Variants in AMBRA1 observed in about 807,000 individuals in gnomAD.
AMBRA1 encodes the protein autophagy and beclin 1 regulator 1.
A neutral mutation model predicts 125.4 loss-of-function variants in AMBRA1; 47 were observed. The observed-to-expected ratio is 0.37, with a 90% CI of 0.30 to 0.48. AMBRA1 has a LOEUF of 0.48. AMBRA1 is among the 20% of genes least tolerant of loss of function. The pLI is 0.99. For missense variants in AMBRA1, 1,331 were observed against 1,693.4 expected, an observed-to-expected ratio of 0.79 and a Z score of 3.76; for synonymous variants, 626 against 655.5, an observed-to-expected ratio of 0.95 and a Z score of 0.69.
rs1348276929 is a variant in AMBRA1, at chr11:46,418,056, G to A, written c.2977-4C>T. 8 of 1,557,206 alleles carry A rather than the reference G, an allele frequency of 5.1e-6. No homozygotes were observed. On this transcript the variant is annotated splice_region_variant and splice_polypyrimidine_tract_variant and intron_variant, in intron 14 of 17. Transcript: ENST00000683756. ...GATAAAGGACGTTGAAAACTCTCTA[G>A]GTAGAGGAAAAGAGGGAAAAAAAGA... is the stretch of plus-strand genomic sequence containing the variant.
At chr11:46,428,555 G>T in intron 14 of AMBRA1, 1 of 1,068,996 alleles carries the variant, frequency 9.4e-7, no homozygotes, top group Non-Finnish European at 1.4e-6. Context: ...CAGCGATTAG[G>T]CAATGAGGAT....
intron 7 of AMBRA1, among the ~76,000 whole-genome samples, chr11:46,515,473 A>AAAACAAACAAAC (rs147206577): frequency 1.3e-5 from 2 of 151,260 alleles, no homozygotes; most frequent in Admixed American, 6.6e-5. Flanking sequence ...ACTGCATCTC[A>AAAACAAACAAAC]AAACAAACAA....
At chr11:46,575,053 A>C (rs1769748650) in intron 1 of AMBRA1, among the ~76,000 whole-genome samples, 1 of 152,226 alleles carries the variant, frequency 6.6e-6, no homozygotes, top group African/African-American at 2.4e-5. Flanking sequence ...GAAGTGAACA[A>C]GTAAATGCTC....
chr11:46,575,727 G>A (rs11038923), intron 1 of AMBRA1, among the ~76,000 whole-genome samples: 59 of 152,130 alleles, frequency 3.9e-4, no homozygotes, highest in African/African-American at 1.3e-3. Flanking sequence ...ATATTGGCCA[G>A]GCTGGTCTCG....
At chr11:46,526,536 A>G (rs1951982408) in intron 7 of AMBRA1, among the ~76,000 whole-genome samples, 2 of 150,456 alleles carry the variant, frequency 1.3e-5, no homozygotes, top group South Asian at 4.2e-4. Context: ...ATATAAAAAA[A>G]AAATTAAAAT....
intron 14 of AMBRA1, among the ~76,000 whole-genome samples, chr11:46,427,589 C>T (rs752321403): frequency 6.6e-6 from 1 of 152,178 alleles, no homozygotes; most frequent in Non-Finnish European, 1.5e-5. Context: ...TCTGACTCAG[C>T]AGATCTTAAG....
At position 46,542,032 on chromosome 11, in the gene AMBRA1, G is replaced by C; in HGVS notation, c.1985C>G (p.Thr662Ser). ...QETGHWERIY[T>S]QSSRSGTVSQ... ...CACAGTTCCAGATCTGCTGGACTGG[G>C]TGTAAATTCTTTCCCAGTGGCCTGT... Residue 662 changes from threonine to serine, a missense_variant, in exon 7 of 18, where the codon ACC becomes AGC. Physicochemically the swap from Thr to Ser is moderately conservative, Grantham distance 58. This residue lies in a region of AMBRA1 where 689 missense variants were observed against 776.5 expected (regional missense o/e 0.89). Transcript: ENST00000683756. This position sits in a 1 kb window ranked among gnomAD's most constrained non-coding sequence, Gnocchi z 5.9. 1 of 1,614,094 alleles carries C rather than the reference G, an allele frequency of 6.2e-7. No individual in the cohort carries two copies. Among genetic ancestry groups the C allele is most frequent in the South Asian group, 1.1e-5 (1 of 91,072 alleles).
chr11:46,526,786 G>C (rs1272396758), intron 7 of AMBRA1, among the ~76,000 whole-genome samples: 1 of 152,060 alleles, frequency 6.6e-6, no homozygotes, highest in Non-Finnish European at 1.5e-5. Context: ...CTAAGTTTTG[G>C]AGTATGGTTT....
chr11:46,505,065 GAGA>G (rs1480361955), intron 9 of AMBRA1, among the ~76,000 whole-genome samples: 2 of 152,202 alleles, frequency 1.3e-5, no homozygotes, highest in Admixed American at 6.5e-5. Flanking sequence ...ATGAAGTGCT[GAGA>G]AGGTGAGGAT....
rs1368636339 is a variant in AMBRA1 at position 46,542,925 on chromosome 11, G to A, written c.1092C>T (p.Leu364=). ...QASSTQQDQG[L]LNRPSAFSTV... ...TACTGAAGGCAGACGGCCGGTTCAGGAGGCCCTGGTCCTGCTGCGTTGACG... is the reference window on the plus strand; with the variant it reads ...TACTGAAGGCAGACGGCCGGTTCAGAAGGCCCTGGTCCTGCTGCGTTGACG... The change falls in exon 7 of 18, where the codon CTC becomes CTT. Residue 364 remains leucine, a synonymous_variant. Coordinates refer to ENST00000683756, the MANE Select transcript of AMBRA1 (RefSeq NM_001387011.1). The surrounding 1 kb of genome is among the most constrained non-coding windows in gnomAD (Gnocchi z 5.9). 3 of 1,611,020 alleles carry A rather than the reference G, an allele frequency of 1.9e-6. No individual in the cohort carries two copies. In the African/African-American group the frequency reaches 4.0e-5, roughly 22 times the overall value.
At chr11:46,398,015 CCGGTAG>C in intron 17 of AMBRA1, 72 bp from the exon 18 acceptor site, 1 of 1,510,330 alleles carries the variant, frequency 6.6e-7, no homozygotes, top group Non-Finnish European at 8.8e-7. Context: ...TGGGCAGCCA[CCGGTAG>C]CAGCTGGGGG....
At chr11:46,528,610 G>A (rs1952080647) in intron 7 of AMBRA1, among the ~76,000 whole-genome samples, 1 of 152,184 alleles carries the variant, frequency 6.6e-6, no homozygotes, top group Admixed American at 6.5e-5. Context: ...AAGTAGAGTG[G>A]TGGCTGCCAG....
intron 1 of AMBRA1, among the ~76,000 whole-genome samples, chr11:46,575,780 G>A (rs943665914): frequency 1.3e-5 from 2 of 152,114 alleles, no homozygotes; most frequent in African/African-American, 2.4e-5. Context: ...ATCCCAAAGT[G>A]CTGGGATTAT....
chr11:46,519,101 G>C (rs1348514153), intron 7 of AMBRA1, among the ~76,000 whole-genome samples: 1 of 152,198 alleles, frequency 6.6e-6, no homozygotes, highest in Non-Finnish European at 1.5e-5. Flanking sequence ...TTGGCTAACT[G>C]CAACTTCTGC....
At position 46,397,952 on chromosome 11, in the gene AMBRA1, T is replaced by C. The variant is rs539900531; in HGVS notation, c.3404-9A>G. ...ATACTCTGAACCCTCACCTGGCAGA[T>C]ACAAAGCAGAAGAGAGAGCGAATTG... On this transcript the variant is annotated splice_polypyrimidine_tract_variant and intron_variant, in intron 17 of 17. Transcript: ENST00000683756. 3.8e-6 allele frequency: 6 copies of C among 1,582,796 alleles called. No homozygotes were observed. In the South Asian group the frequency reaches 5.6e-5, roughly 15 times the overall value.
At chr11:46,569,240 C>CAA (rs1207336499) in intron 1 of AMBRA1, among the ~76,000 whole-genome samples, 21 of 68,656 alleles carry the variant, frequency 3.1e-4, no homozygotes, top group South Asian at 4.6e-4. Context: ...GAGGGAATCT[C>CAA]AAAAAAAAAA....
chr11:46,398,060 G>C (rs892587187), intron 17 of AMBRA1, 117 bp from the exon 18 acceptor site: 1 of 1,341,856 alleles, frequency 7.5e-7, no homozygotes, highest in South Asian at 1.5e-5. Context: ...GATAGAGAAA[G>C]ACTCGCTCCA....
At chr11:46,449,126 A>G (rs1948452320) in intron 11 of AMBRA1, among the ~76,000 whole-genome samples, 1 of 152,202 alleles carries the variant, frequency 6.6e-6, no homozygotes, top group South Asian at 2.1e-4. Flanking sequence ...TAAGACCAGG[A>G]ACAAGGCAAG....
At chr11:46,472,967 A>C (rs1669664055) in intron 11 of AMBRA1, among the ~76,000 whole-genome samples, 1 of 152,142 alleles carries the variant, frequency 6.6e-6, no homozygotes, top group Non-Finnish European at 1.5e-5. Context: ...GACTTCCTCA[A>C]CCTCAAATCA....
Sources: gnomAD v4.1 joint callset for allele counts (sites outside exome capture counted in the v4.1 genomes callset) on GRCh38, gnomAD v4.1.1 for gene constraint, gnomAD v4.1.1 regional missense constraint, Gnocchi (gnomAD v3.1) non-coding constraint, MANE v1.5 for transcripts, NCBI Gene and HGNC (gene_info 2026-07-23, HGNC 2026-07-21) for gene names.